PITPNA: variants seen among roughly 807,000 people sequenced by gnomAD.
PITPNA encodes phosphatidylinositol transfer protein alpha.
Under a neutral mutation model 50.3 loss-of-function variants are expected in PITPNA, and 13 were observed. That is an observed-to-expected ratio of 0.26 (90% confidence interval 0.17 to 0.41). The LOEUF is 0.41. Ranked by LOEUF, PITPNA falls within the 10% of genes least tolerant of loss-of-function variation. The probability of loss-of-function intolerance (pLI) is 1.00; values close to 1 mark genes in which losing one functional copy is unlikely to be tolerated. For synonymous variants in PITPNA, 120 were observed against 119.6 expected, an observed-to-expected ratio of 1.00 and a Z score of -0.02; for missense variants, 207 against 333.4, an observed-to-expected ratio of 0.62 and a Z score of 2.95.
intron 3 of PITPNA, among the ~76,000 whole-genome samples, chr17:1,548,886 T>C (rs1356340241): frequency 6.6e-6 from 1 of 152,162 alleles, no homozygotes; most frequent in Non-Finnish European, 1.5e-5. Flanking sequence ...AAGTATTTTC[T>C]TCTACTCAAT....
At chr17:1,559,811 G>C in intron 1 of PITPNA, 1 of 981,772 alleles carries the variant, frequency 1.0e-6, no homozygotes, top group Non-Finnish European at 1.2e-6. Context: ...TGGGCTCCAA[G>C]TCTTTACTGC....
chr17:1,534,866 G>A (rs1310236166), intron 9 of PITPNA, among the ~76,000 whole-genome samples: 1 of 152,248 alleles, frequency 6.6e-6, no homozygotes, highest in Non-Finnish European at 1.5e-5. Context: ...TTCAGTGCAA[G>A]GGAAGGTGGG....
chr17:1,557,894 G>A (rs1417056864), intron 2 of PITPNA, among the ~76,000 whole-genome samples: 1 of 152,102 alleles, frequency 6.6e-6, no homozygotes, highest in Non-Finnish European at 1.5e-5. Flanking sequence ...CTTGCCAGCC[G>A]AGTCACGGAC....
chr17:1,538,412 G>A lies in PITPNA; in HGVS notation c.456+457C>T, dbSNP rs141302381. 2.5e-3 allele frequency: 396 copies of A among 157,494 alleles called. 1 individual carries two copies. The highest frequency in any genetic ancestry group is 9.9e-3 in the Middle Eastern group (3 of 302). 9.8% of individuals were successfully genotyped at this position (157,494 alleles called of 1,614,324 possible). On this transcript the variant is annotated intron_variant, in intron 7 of 11. Transcript: ENST00000313486. ...CCAGTGTGTGTTACTCTGAAAAGGCGCCACCGACTTCTGGAGGGCAGGGGA... is the reference window on the plus strand; with the variant it reads ...CCAGTGTGTGTTACTCTGAAAAGGCACCACCGACTTCTGGAGGGCAGGGGA...
rs544122690 is a variant in PITPNA, at chr17:1,552,535, C to T, written c.197+469G>A. Among the ~76,000 whole-genome samples the T allele has an allele frequency of 7.9e-5, 12 of 152,132 alleles. No homozygotes were observed. In the South Asian group the frequency reaches 1.5e-3, roughly 18 times the overall value. ...AAAATTTCTCTAGCGATCGATTTCACGATATCAGAATTAAAAACCCTACCA... is the reference window on the plus strand; with the variant it reads ...AAAATTTCTCTAGCGATCGATTTCATGATATCAGAATTAAAAACCCTACCA... On this transcript the variant is annotated intron_variant, in intron 3 of 11. Coordinates refer to ENST00000313486, the MANE Select transcript of PITPNA (RefSeq NM_006224.4).
intron 1 of PITPNA, among the ~76,000 whole-genome samples, chr17:1,561,903 G>T (rs1387982496): frequency 6.6e-6 from 1 of 152,114 alleles, no homozygotes; most frequent in African/African-American, 2.4e-5. Flanking sequence ...CTCTCCGTGT[G>T]AACTGTTCGG....
intron 10 of PITPNA, among the ~76,000 whole-genome samples, chr17:1,529,196 AT>A (rs1396804859): frequency 6.8e-6 from 1 of 146,052 alleles, no homozygotes; most frequent in East Asian, 2.1e-4. Flanking sequence ...CATCCTTCAC[AT>A]ATAGGGATCC....
intron 9 of PITPNA, 41 bp from the exon 10 acceptor site, chr17:1,534,262 A>C (rs1174412046): frequency 6.2e-7 from 1 of 1,611,736 alleles, no homozygotes; most frequent in African/African-American, 1.3e-5. Flanking sequence ...CAGAAGGCAA[A>C]GGCTGCTGCC....
At chr17:1,536,530 C>T (rs2075618257) in intron 7 of PITPNA, among the ~76,000 whole-genome samples, 1 of 151,698 alleles carries the variant, frequency 6.6e-6, no homozygotes, top group African/African-American at 2.4e-5. Flanking sequence ...ACCTCGTGAT[C>T]CGCCCACCTT....
chr17:1,548,984 C>T (rs2075693389), intron 3 of PITPNA, among the ~76,000 whole-genome samples: 1 of 152,172 alleles, frequency 6.6e-6, no homozygotes, highest in South Asian at 2.1e-4. Flanking sequence ...TAACTGCAAC[C>T]TCCACCTCCA....
intron 10 of PITPNA, among the ~76,000 whole-genome samples, chr17:1,525,036 C>A (rs1163617337): frequency 6.6e-6 from 1 of 151,870 alleles, no homozygotes; most frequent in Non-Finnish European, 1.5e-5. Context: ...GTCACCCAGG[C>A]TGGAGTGCAG....
chr17:1,524,332 T>A (rs572250116), intron 10 of PITPNA, among the ~76,000 whole-genome samples: 1 of 148,036 alleles, frequency 6.8e-6, no homozygotes, highest in Non-Finnish European at 1.5e-5. Flanking sequence ...GCGTGAGCCA[T>A]CGCACCTGGC....
At chr17:1,531,523 C>A (rs1307763795) in intron 10 of PITPNA, among the ~76,000 whole-genome samples, 1 of 151,702 alleles carries the variant, frequency 6.6e-6, no homozygotes, top group African/African-American at 2.4e-5. Flanking sequence ...GAGTGAGAGC[C>A]TGTCTCAGAA....
chr17:1,544,693 T>C (rs1342472194), intron 4 of PITPNA, among the ~76,000 whole-genome samples: 1 of 152,218 alleles, frequency 6.6e-6, no homozygotes, highest in Non-Finnish European at 1.5e-5. Context: ...ATCCCAGCAC[T>C]TTGGGAGGCC....
intron 6 of PITPNA, 64 bp downstream of exon 6, chr17:1,541,502 T>C: frequency 2.6e-6 from 3 of 1,165,356 alleles, no homozygotes; most frequent in Non-Finnish European, 3.9e-6. Context: ...ATGGTAGCCC[T>C]GGAGAGGCTA....
At chr17:1,539,122 AT>A (rs199907476) in intron 6 of PITPNA, among the ~76,000 whole-genome samples, 170 bp from the exon 7 acceptor site, 36 of 149,484 alleles carry the variant, frequency 2.4e-4, no homozygotes, top group African/African-American at 3.7e-4. Context: ...GGGAGAATGG[AT>A]TTTTTTTTTT....
Position 1,538,860 on chromosome 17 carries a change from G to A in PITPNA, c.456+9C>T, listed in dbSNP as rs1253630488. ...TCGAAGGCCACCCACGTCTTTAAAC[G>A]GATCCTACCTTGCTGAGCACTTGGC... On this transcript the variant is annotated intron_variant, in intron 7 of 11. Transcript: ENST00000313486. 7 of 1,598,468 alleles carry A rather than the reference G, an allele frequency of 4.4e-6. No individual in the cohort carries two copies. Among genetic ancestry groups the A allele is most frequent in the South Asian group, 1.1e-5 (1 of 90,466 alleles).
intron 10 of PITPNA, among the ~76,000 whole-genome samples, chr17:1,527,517 C>A (rs2075554799): frequency 6.6e-6 from 1 of 152,196 alleles, no homozygotes; most frequent in African/African-American, 2.4e-5. Flanking sequence ...GCTGGGATTA[C>A]AGGTGTGAGC....
chr17:1,542,248 A>G (rs1212538625), intron 5 of PITPNA, among the ~76,000 whole-genome samples: 1 of 152,056 alleles, frequency 6.6e-6, no homozygotes. Flanking sequence ...TGGGTCTCAA[A>G]ACAGTTTCGT....
Sources: allele counts gnomAD v4.1 joint callset (sites outside exome capture counted in the v4.1 genomes callset), GRCh38; gene constraint gnomAD v4.1.1; transcripts MANE v1.5; gene names NCBI Gene and HGNC (gene_info 2026-07-23, HGNC 2026-07-21).